Variants in BICD1 observed in about 807,000 individuals in gnomAD.
BICD1 encodes the protein BICD cargo adaptor 1, also known as protein bicaudal D homolog 1.
BICD1 carries 35 observed loss-of-function variants against 92.5 expected under a neutral mutation model. The ratio of observed to expected loss-of-function variants is 0.38; its 90% CI spans 0.29 to 0.50. The LOEUF (loss-of-function observed/expected upper bound fraction) is 0.50. Ranked by LOEUF, BICD1 falls within the 20% of genes least tolerant of loss-of-function variation. The pLI is 0.93. For missense variants in BICD1, 950 were observed against 1,189.8 expected (o/e 0.80, Z 2.97); for synonymous variants, 429 against 465.1 (o/e 0.92, Z 1.00).
intron 8 of BICD1, among the ~76,000 whole-genome samples, chr12:32,343,216 T>C (rs1204562906): frequency 2.0e-5 from 3 of 152,226 alleles, no homozygotes; most frequent in African/African-American, 7.2e-5. Flanking sequence ...ATCAAGGAGT[T>C]TGTAATTGGA....
chr12:32,362,891 G>A (rs1184555048), intron 8 of BICD1, among the ~76,000 whole-genome samples: 1 of 152,006 alleles, frequency 6.6e-6, no homozygotes, highest in East Asian at 1.9e-4. Context: ...GTGAGACTAT[G>A]ATATTCTCCC....
At chr12:32,258,539 C>T (rs917873440) in intron 2 of BICD1, among the ~76,000 whole-genome samples, 10 of 151,934 alleles carry the variant, frequency 6.6e-5, no homozygotes, top group Non-Finnish European at 1.3e-4. Flanking sequence ...GGACCACTAC[C>T]ACCAAGACGC....
At chr12:32,152,679 CAT>C (rs1235377389) in intron 1 of BICD1, among the ~76,000 whole-genome samples, 5 of 152,148 alleles carry the variant, frequency 3.3e-5, no homozygotes, top group Non-Finnish European at 7.4e-5. Flanking sequence ...ACCCTCAAAA[CAT>C]AGAGATTTGA....
chr12:32,168,014 G>A (rs913742754), intron 1 of BICD1, among the ~76,000 whole-genome samples: 9 of 148,930 alleles, frequency 6.0e-5, no homozygotes, highest in African/African-American at 2.3e-4. Flanking sequence ...TGGCGTGTGT[G>A]TGTGTGTGTG....
chr12:32,249,873 G>A (rs1946483073), intron 2 of BICD1, among the ~76,000 whole-genome samples: 1 of 151,728 alleles, frequency 6.6e-6, no homozygotes, highest in Admixed American at 6.6e-5. Context: ...CTGAAGCACA[G>A]GTCCTAGAAC....
chr12:32,146,282 C>T (rs763259365), intron 1 of BICD1, among the ~76,000 whole-genome samples: 2 of 152,214 alleles, frequency 1.3e-5, no homozygotes, highest in Non-Finnish European at 1.5e-5. Context: ...TTCACTGTGG[C>T]TTCCAAAGCT....
intron 1 of BICD1, among the ~76,000 whole-genome samples, chr12:32,121,411 G>A (rs1348057319): frequency 6.6e-6 from 1 of 151,628 alleles, no homozygotes; most frequent in African/African-American, 2.4e-5. Flanking sequence ...TGGCCAACAT[G>A]GTGAAACCCT....
chr12:32,257,042 G>A (rs1052329961), intron 2 of BICD1, among the ~76,000 whole-genome samples: 3 of 151,750 alleles, frequency 2.0e-5, no homozygotes, highest in Admixed American at 6.6e-5. Context: ...GTGAAACCCC[G>A]TCTCTGCTAA....
chr12:32,303,333 A>G (rs1948115182), intron 3 of BICD1, among the ~76,000 whole-genome samples: 1 of 152,238 alleles, frequency 6.6e-6, no homozygotes, highest in Non-Finnish European at 1.5e-5. Context: ...TGGCATTGTT[A>G]GAAACATCTG....
intron 4 of BICD1, among the ~76,000 whole-genome samples, chr12:32,306,512 G>A (rs904635755): frequency 1.2e-4 from 18 of 151,892 alleles, no homozygotes; most frequent in Non-Finnish European, 2.1e-4. Flanking sequence ...CAAAGTGCTG[G>A]GATTACAGGC....
intron 2 of BICD1, among the ~76,000 whole-genome samples, chr12:32,228,847 A>G (rs1476740931): frequency 3.3e-5 from 5 of 152,158 alleles, no homozygotes; most frequent in Admixed American, 3.3e-4. Flanking sequence ...TTCAGTTTCG[A>G]ACATGTTAAG....
At chr12:32,324,566 C>CT (rs1555168487) in intron 4 of BICD1, among the ~76,000 whole-genome samples, 1 of 149,902 alleles carries the variant, frequency 6.7e-6, no homozygotes, top group African/African-American at 2.5e-5. Flanking sequence ...CTGTACTGTA[C>CT]TTTTCTTTTT....
chr12:32,350,020 A>G (rs1938795654), intron 8 of BICD1, among the ~76,000 whole-genome samples: 1 of 152,242 alleles, frequency 6.6e-6, no homozygotes, highest in Non-Finnish European at 1.5e-5. Context: ...GTAAACGGTT[A>G]GGAAAATTGA....
intron 8 of BICD1, among the ~76,000 whole-genome samples, chr12:32,342,164 A>G (rs1009740265): frequency 1.4e-5 from 2 of 140,304 alleles, no homozygotes; most frequent in Non-Finnish European, 3.0e-5. Context: ...GTGTATATAT[A>G]TGTATATATA....
rs368104017 is a variant in BICD1 at position 32,240,947 on chromosome 12, G to A, written c.426+24488G>A. ...GAGTTGATGATGTTCACCTCATTGCGATGTACTCACCCATTCATTTATTTT... is the reference window on the plus strand; with the variant it reads ...GAGTTGATGATGTTCACCTCATTGCAATGTACTCACCCATTCATTTATTTT... On this transcript the variant is annotated intron_variant, in intron 2 of 9. Coordinates refer to ENST00000652176, the MANE Select transcript of BICD1 (RefSeq NM_001714.4). 2.5e-3 allele frequency among the ~76,000 whole-genome samples: 388 copies of A among 152,228 alleles called. 3 individuals are homozygous for A. The highest frequency in any genetic ancestry group is 0.018 in the South Asian group (88 of 4,820).
At chr12:32,292,941 A>C (rs1056393042) in intron 2 of BICD1, among the ~76,000 whole-genome samples, 3 of 152,228 alleles carry the variant, frequency 2.0e-5, no homozygotes, top group Non-Finnish European at 4.4e-5. Context: ...TTTATGGAAA[A>C]AGTTAAATAT....
intron 9 of BICD1, among the ~76,000 whole-genome samples, chr12:32,373,654 C>G (rs1939819964): frequency 6.6e-6 from 1 of 151,470 alleles, no homozygotes; most frequent in African/African-American, 2.4e-5. Flanking sequence ...GGGTGGATCA[C>G]AAGGTCAGGA....
At chr12:32,308,970 T>C (rs1948303241) in intron 4 of BICD1, among the ~76,000 whole-genome samples, 1 of 152,200 alleles carries the variant, frequency 6.6e-6, no homozygotes, top group Admixed American at 6.5e-5. Flanking sequence ...TGTAAATTTT[T>C]TTTTAGGTAG....
intron 8 of BICD1, among the ~76,000 whole-genome samples, chr12:32,361,405 T>G (rs1306486203): frequency 6.6e-6 from 1 of 151,712 alleles, no homozygotes; most frequent in Admixed American, 6.6e-5. Flanking sequence ...ATACAAAAAT[T>G]AGCCAGGCAT....
Sources: allele counts gnomAD v4.1 joint callset (sites outside exome capture counted in the v4.1 genomes callset), GRCh38; gene constraint gnomAD v4.1.1; transcripts MANE v1.5; gene names NCBI Gene and HGNC (gene_info 2026-07-23, HGNC 2026-07-21).